Variants in REDIC1 observed in about 807,000 individuals in gnomAD.
REDIC1 encodes regulator of DNA class I crossover intermediates 1, also known as HEI10 Interacting Protein 1.
At chr12:39,810,701 C>A in the REDIC1 span, among the ~76,000 whole-genome samples, 1,810 of 152,182 alleles carry the variant, frequency 0.012, 37 homozygotes, top group African/African-American at 0.041. Flanking sequence ...GGAATTTAAT[C>A]AATTTATTTT....
chr12:39,815,390 T>C, the REDIC1 span, among the ~76,000 whole-genome samples: 4 of 152,354 alleles, frequency 2.6e-5, no homozygotes, highest in Admixed American at 2.0e-4. Flanking sequence ...CTCCACATGA[T>C]ATAAAATCAT....
chr12:39,907,037 A>T, the REDIC1 span, among the ~76,000 whole-genome samples: 3 of 152,154 alleles, frequency 2.0e-5, no homozygotes, highest in African/African-American at 7.2e-5. Flanking sequence ...ATACAATGCA[A>T]ATTAACCCAT....
the REDIC1 span, among the ~76,000 whole-genome samples, chr12:39,634,399 A>G: frequency 2.0e-5 from 3 of 152,182 alleles, no homozygotes; most frequent in Non-Finnish European, 4.4e-5. Context: ...ACAAGGCTAC[A>G]GTAACCAAAA....
chr12:39,700,039 C>T, the REDIC1 span, among the ~76,000 whole-genome samples: 1 of 152,182 alleles, frequency 6.6e-6, no homozygotes, highest in South Asian at 2.1e-4. Flanking sequence ...CGCCTCTCCT[C>T]CTCCAAAGGA....
the REDIC1 span, among the ~76,000 whole-genome samples, chr12:39,695,670 G>C: frequency 4.6e-5 from 7 of 152,162 alleles, no homozygotes; most frequent in Non-Finnish European, 4.4e-5. Context: ...CTGGGGCCTG[G>C]GGGAACTTGA....
At chr12:39,726,272 A>C in the REDIC1 span, among the ~76,000 whole-genome samples, 20 of 151,986 alleles carry the variant, frequency 1.3e-4, no homozygotes, top group African/African-American at 4.8e-4. Context: ...TCAACCAGTC[A>C]TCTACATTAG....
the REDIC1 span, among the ~76,000 whole-genome samples, chr12:39,895,627 C>CATATATGTATATATGTGT: frequency 4.5e-4 from 45 of 99,102 alleles, 1 homozygote; most frequent in African/African-American, 6.0e-4. Flanking sequence ...TATACGTACA[C>CATATATGTATATATGTGT]ACATATGTAT....
chr12:39,639,435 C>T, the REDIC1 span, among the ~76,000 whole-genome samples: 1 of 151,954 alleles, frequency 6.6e-6, no homozygotes, highest in African/African-American at 2.4e-5. Context: ...TATTAAAGAA[C>T]ATATTCAATA....
chr12:39,670,045 C>T, the REDIC1 span, among the ~76,000 whole-genome samples: 1 of 152,102 alleles, frequency 6.6e-6, no homozygotes, highest in Non-Finnish European at 1.5e-5. Context: ...CTGGATGCTG[C>T]CCCCACTGTC....
the REDIC1 span, among the ~76,000 whole-genome samples, chr12:39,628,051 G>T: frequency 6.6e-6 from 1 of 152,098 alleles, no homozygotes; most frequent in Admixed American, 6.6e-5. Flanking sequence ...AGCTTGGCTT[G>T]CAGAGAATCA....
At chr12:39,742,775 A>T in the REDIC1 span, among the ~76,000 whole-genome samples, 1 of 152,254 alleles carries the variant, frequency 6.6e-6, no homozygotes, top group Non-Finnish European at 1.5e-5. Context: ...TCACAAACTG[A>T]AAATCAGTAA....
chr12:39,792,289 C>T, the REDIC1 span, among the ~76,000 whole-genome samples: 3 of 149,036 alleles, frequency 2.0e-5, no homozygotes, highest in South Asian at 4.4e-4. Context: ...AAAACCTAGG[C>T]ATTACCATTC....
the REDIC1 span, among the ~76,000 whole-genome samples, chr12:39,692,521 A>AT: frequency 1.8e-5 from 2 of 112,756 alleles, no homozygotes; most frequent in South Asian, 2.9e-4. Context: ...AACTCTATAT[A>AT]TTTTTCTGCA....
At chr12:39,880,404 A>G in the REDIC1 span, among the ~76,000 whole-genome samples, 1 of 152,200 alleles carries the variant, frequency 6.6e-6, no homozygotes, top group South Asian at 2.1e-4. Flanking sequence ...ACACTGAGAA[A>G]TCCTCTTTGT....
the REDIC1 span, among the ~76,000 whole-genome samples, chr12:39,711,729 ATGTG>A: frequency 7.5e-5 from 1 of 13,310 alleles, no homozygotes; most frequent in Admixed American, 9.1e-4. Context: ...ATGCACATGC[ATGTG>A]TGTATGTGTG....
the REDIC1 span, chr12:39,640,836 A>G: frequency 1.7e-6 from 1 of 584,468 alleles, no homozygotes; most frequent in Non-Finnish European, 2.9e-6. Context: ...TTTCAGAAAA[A>G]ATGCAATGAT....
the REDIC1 span, among the ~76,000 whole-genome samples, chr12:39,748,684 G>T: frequency 1.3e-5 from 2 of 152,146 alleles, no homozygotes; most frequent in African/African-American, 4.8e-5. Flanking sequence ...GCACTCCTCA[G>T]CAAATGTAAA....
At chr12:39,843,367 T>C in the REDIC1 span, among the ~76,000 whole-genome samples, 1 of 152,176 alleles carries the variant, frequency 6.6e-6, no homozygotes, top group South Asian at 2.1e-4. Flanking sequence ...CAAGCCTATC[T>C]GTCATTAATA....
the REDIC1 span, among the ~76,000 whole-genome samples, chr12:39,629,713 A>C: frequency 6.6e-6 from 1 of 152,156 alleles, no homozygotes; most frequent in African/African-American, 2.4e-5. Context: ...GCAAGATATC[A>C]TAACAGTGCA....
Sources: gnomAD v4.1 joint callset for allele counts (sites outside exome capture counted in the v4.1 genomes callset) on GRCh38, gnomAD v4.1.1 for gene constraint, MANE v1.5 for transcripts, NCBI Gene and HGNC (gene_info 2026-07-23, HGNC 2026-07-21) for gene names.